Variants in SFT2D2 observed in about 807,000 individuals in gnomAD.
The protein encoded by SFT2D2 is vesicle transport protein SFT2B.
A neutral mutation model predicts 27.4 loss-of-function variants in SFT2D2; 21 were observed. The observed-to-expected ratio is 0.77, with a 90% confidence interval of 0.54 to 1.10. SFT2D2 has a LOEUF of 1.10. Among genes scored for constraint, SFT2D2 ranks in the 50% least tolerant of loss-of-function variants. The probability of loss-of-function intolerance (pLI) is 0.00; values close to 1 mark genes in which losing one functional copy is unlikely to be tolerated. For missense variants in SFT2D2, 187 were observed against 194.2 expected (o/e 0.96, Z 0.22); for synonymous variants, 72 against 71.7 (o/e 1.00, Z -0.02).
At position 168,238,482 on chromosome 1, in the gene SFT2D2, C is replaced by T. The variant is rs148551292; in HGVS notation, c.414-649C>T. Among the ~76,000 whole-genome samples the T allele has an allele frequency of 9.8e-4, 148 of 151,278 alleles. 1 individual carries two copies. In the East Asian group the frequency reaches 0.017, roughly 17 times the overall value. On this transcript the variant is annotated intron_variant, in intron 6 of 7. Coordinates refer to ENST00000271375, the MANE Select transcript of SFT2D2 (RefSeq NM_199344.3). ...ACTAGCCTGGACAGTGTAGCAAGAC[C>T]GGGTCTCTGCAAAAAAACAAACAAA...
Position 168,249,930 on chromosome 1 carries a change from A to G in SFT2D2, c.*7390A>G, listed in dbSNP as rs1200977341. The G allele has an allele frequency of 1.3e-5, 2 of 152,170 alleles. No homozygotes were observed. The highest frequency in any genetic ancestry group is 4.8e-5 in the African/African-American group (2 of 41,424). 9.4% of individuals were successfully genotyped at this position (152,170 alleles called of 1,614,324 possible). A position where few individuals can be genotyped will look rare whatever the true frequency, so the allele number is the denominator to read the frequency against. ...TCATTAATTTATTTAACAAATACTT[A>G]TCTAGTACTATGTGCCCGGCGCTGT... On this transcript the variant is annotated 3_prime_UTR_variant, in exon 8 of 8. Coordinates refer to ENST00000271375, the MANE Select transcript of SFT2D2 (RefSeq NM_199344.3).
In SFT2D2 at chr1:168,250,137, C is replaced by T. The variant is rs1647917886; in HGVS notation, c.*7597C>T. The T allele has an allele frequency of 6.6e-6, 1 of 152,202 alleles. No individual in the cohort carries two copies. The highest frequency in any genetic ancestry group is 2.4e-5 in the African/African-American group (1 of 41,458). The allele number at this position is 152,202 out of a possible 1,614,324, so 9.4% of individuals were successfully genotyped here. On this transcript the variant is annotated 3_prime_UTR_variant, in exon 8 of 8. Transcript: ENST00000271375. Reference sequence around the variant, plus strand: ...CTTCTGCTTTGCTTTCACTCACGGCCTGTGGCCAGTTTGCTCAGACAGCTC... The same window carrying T: ...CTTCTGCTTTGCTTTCACTCACGGCTTGTGGCCAGTTTGCTCAGACAGCTC...
At position 168,239,171 on chromosome 1, in the gene SFT2D2, G is replaced by A. The variant is rs1647582729; in HGVS notation, c.443+11G>A. On this transcript the variant is annotated intron_variant, in intron 7 of 7. Coordinates refer to ENST00000271375, the MANE Select transcript of SFT2D2 (RefSeq NM_199344.3). ...CATACCATTTGCAAGGTAAGACTGTGTATTTGGAAATAATGATTTCTGTCA... is the reference window on the plus strand; with the variant it reads ...CATACCATTTGCAAGGTAAGACTGTATATTTGGAAATAATGATTTCTGTCA... 1 of 1,593,300 alleles carries A rather than the reference G, an allele frequency of 6.3e-7. No homozygotes were observed. Among genetic ancestry groups the A allele is most frequent in the South Asian group, 1.1e-5 (1 of 90,508 alleles).
chr1:168,226,024 T>C lies in SFT2D2; in HGVS notation c.-56T>C. On this transcript the variant is annotated 5_prime_UTR_variant, in exon 1 of 8. Coordinates refer to ENST00000271375, the MANE Select transcript of SFT2D2 (RefSeq NM_199344.3). ...CTAGCACCCGGAAGAGCCGTCAACT[T>C]AGCGAGCGCAACAGGCTGCCGCTGA... 6.9e-7 allele frequency: 1 copy of C among 1,449,622 alleles called. No homozygotes were observed. The highest frequency in any genetic ancestry group is 9.2e-7 in the Non-Finnish European group (1 of 1,090,848). 89.8% of individuals were successfully genotyped at this position (1,449,622 alleles called of 1,614,324 possible). A position where few individuals can be genotyped will look rare whatever the true frequency, so the allele number is the denominator to read the frequency against.
In SFT2D2 at chr1:168,246,535, C is replaced by T. The variant is rs1399548323; in HGVS notation, c.*3995C>T. Reference sequence around the variant, plus strand: ...CTCAGTTTTGAGGCACCTGGACTTACTCTCAGCTTTAGAAAGTTGCTGAGA... The same window carrying T: ...CTCAGTTTTGAGGCACCTGGACTTATTCTCAGCTTTAGAAAGTTGCTGAGA... On this transcript the variant is annotated 3_prime_UTR_variant, in exon 8 of 8. Coordinates refer to ENST00000271375, the MANE Select transcript of SFT2D2 (RefSeq NM_199344.3). 8.0e-6 allele frequency: 12 copies of T among 1,501,878 alleles called. No homozygotes were observed. Among genetic ancestry groups the T allele is most frequent in the African/African-American group, 2.8e-5 (2 of 72,626 alleles). 93.0% of individuals were successfully genotyped at this position (1,501,878 alleles called of 1,614,324 possible).
chr1:168,230,878 A>G, intron 1 of SFT2D2, among the ~76,000 whole-genome samples: 1 of 150,764 alleles, frequency 6.6e-6, no homozygotes, highest in East Asian at 1.9e-4. Flanking sequence ...ACTTTGCTCC[A>G]GGGAGGGATT....
At chr1:168,240,003 G>A (rs1051474032) in intron 7 of SFT2D2, among the ~76,000 whole-genome samples, 2 of 151,758 alleles carry the variant, frequency 1.3e-5, no homozygotes, top group South Asian at 2.1e-4. Flanking sequence ...GTGAAACCCC[G>A]TCTCTACTGA....
At chr1:168,234,135 C>T (rs1440357919) in intron 3 of SFT2D2, among the ~76,000 whole-genome samples, 6 of 152,112 alleles carry the variant, frequency 3.9e-5, no homozygotes, top group Non-Finnish European at 5.9e-5. Flanking sequence ...CAGTGGCTCA[C>T]GCCTATAATT....
In SFT2D2 at chr1:168,243,634, A is replaced by G. The variant is rs1298118496; in HGVS notation, c.*1094A>G. ...GTGTCCACGATCTTACCTGGTTCTTATGGAGAGCCTTGTGAGGAAGCAGGG... is the reference window on the plus strand; with the variant it reads ...GTGTCCACGATCTTACCTGGTTCTTGTGGAGAGCCTTGTGAGGAAGCAGGG... On this transcript the variant is annotated 3_prime_UTR_variant, in exon 8 of 8. Transcript: ENST00000271375. 6.6e-6 allele frequency: 1 copy of G among 152,326 alleles called. No homozygotes were observed. The highest frequency in any genetic ancestry group is 2.4e-5 in the African/African-American group (1 of 41,438). The allele number at this position is 152,326 out of a possible 1,614,324, so 9.4% of individuals were successfully genotyped here.
Position 168,251,380 on chromosome 1 carries a change from T to C in SFT2D2, c.*8840T>C, listed in dbSNP as rs1440738287. On this transcript the variant is annotated 3_prime_UTR_variant, in exon 8 of 8. Coordinates refer to ENST00000271375, the MANE Select transcript of SFT2D2 (RefSeq NM_199344.3). Reference sequence around the variant, plus strand: ...TTAAAATAGATAATAAGGAACCATATCTTAAAGTGTGGAGGATCTGGCTTG... The same window carrying C: ...TTAAAATAGATAATAAGGAACCATACCTTAAAGTGTGGAGGATCTGGCTTG... 2 of 152,102 alleles carry C rather than the reference T, an allele frequency of 1.3e-5. No homozygotes were observed. The highest frequency in any genetic ancestry group is 6.5e-5 in the Admixed American group (1 of 15,270). The allele number at this position is 152,102 out of a possible 1,614,324, so 9.4% of individuals were successfully genotyped here. A position where few individuals can be genotyped will look rare whatever the true frequency, so the allele number is the denominator to read the frequency against.
chr1:168,227,075 C>T (rs1262842692), intron 1 of SFT2D2, among the ~76,000 whole-genome samples: 1 of 152,172 alleles, frequency 6.6e-6, no homozygotes, highest in Non-Finnish European at 1.5e-5. Flanking sequence ...CCACCTCTGC[C>T]TCCCAAAGTG....
Position 168,242,628 on chromosome 1 carries a change from A to G in SFT2D2, c.*88A>G. On this transcript the variant is annotated 3_prime_UTR_variant, in exon 8 of 8. Coordinates refer to ENST00000271375, the MANE Select transcript of SFT2D2 (RefSeq NM_199344.3). ...TAACTATCTTCGAAACCTCTGTCTT[A>G]CAGACATGTGCCTTTTATCTTGCAG... is the stretch of plus-strand genomic sequence containing the variant. 1 of 1,471,038 alleles carries G rather than the reference A, an allele frequency of 6.8e-7. No homozygotes were observed. Among genetic ancestry groups the G allele is most frequent in the Non-Finnish European group, 9.5e-7 (1 of 1,049,946 alleles). 91.1% of individuals were successfully genotyped at this position (1,471,038 alleles called of 1,614,324 possible).
At chr1:168,230,332 A>G (rs142613048) in intron 1 of SFT2D2, among the ~76,000 whole-genome samples, 24 of 152,296 alleles carry the variant, frequency 1.6e-4, no homozygotes, top group African/African-American at 5.5e-4. Flanking sequence ...TGGCCATACA[A>G]GGTGAGCCCT....
chr1:168,233,027 C>T (rs868126433), intron 3 of SFT2D2, among the ~76,000 whole-genome samples: 13 of 152,206 alleles, frequency 8.5e-5, no homozygotes, highest in Admixed American at 4.6e-4. Context: ...GCTTAGCCCC[C>T]TCAAGTGGCC....
intron 7 of SFT2D2, 27 bp from the exon 8 acceptor site, chr1:168,242,474 C>T (rs370707453): frequency 6.2e-6 from 10 of 1,613,912 alleles, no homozygotes; most frequent in Non-Finnish European, 8.5e-6. Flanking sequence ...TGACGTTCCA[C>T]TCATCTTTGT....
chr1:168,234,610 A>G (rs1232477896), intron 3 of SFT2D2, among the ~76,000 whole-genome samples: 1 of 152,204 alleles, frequency 6.6e-6, no homozygotes, highest in East Asian at 1.9e-4. Flanking sequence ...CCATGATGAT[A>G]TCATCATCAT....
intron 2 of SFT2D2, 37 bp from the exon 3 acceptor site, chr1:168,231,797 G>C (rs376353427): frequency 3.7e-6 from 6 of 1,601,516 alleles, no homozygotes; most frequent in East Asian, 2.2e-5. Flanking sequence ...CGGGTGGGAG[G>C]GTTGCTCATG....
Position 168,246,812 on chromosome 1 carries a change from C to T in SFT2D2, c.*4272C>T, listed in dbSNP as rs566984436. 1.9e-5 allele frequency: 13 copies of T among 674,548 alleles called. No homozygotes were observed. Among genetic ancestry groups the T allele is most frequent in the Admixed American group, 1.1e-4 (5 of 45,604 alleles). The allele number at this position is 674,548 out of a possible 1,614,324, so 41.8% of individuals were successfully genotyped here. On this transcript the variant is annotated 3_prime_UTR_variant, in exon 8 of 8. Transcript: ENST00000271375. ...TAAGCTGTCCACTATAATGGGCTATCGTTTTTGTTGATTTTTCCCCATTCT... is the reference window on the plus strand; with the variant it reads ...TAAGCTGTCCACTATAATGGGCTATTGTTTTTGTTGATTTTTCCCCATTCT...
In SFT2D2 at chr1:168,246,613, A is replaced by G; in HGVS notation, c.*4073A>G. On this transcript the variant is annotated 3_prime_UTR_variant, in exon 8 of 8. Transcript: ENST00000271375. Reference sequence around the variant, plus strand: ...TTCCTGTAAATGACGCAATTTATCTACTGTGCCCTGGAAATCAAGCTCTTG... The same window carrying G: ...TTCCTGTAAATGACGCAATTTATCTGCTGTGCCCTGGAAATCAAGCTCTTG... 9.5e-6 allele frequency: 14 copies of G among 1,468,636 alleles called. No homozygotes were observed. Among genetic ancestry groups the G allele is most frequent in the South Asian group, 2.3e-5 (2 of 88,740 alleles). The allele number at this position is 1,468,636 out of a possible 1,614,324, so 91.0% of individuals were successfully genotyped here.
Sources: allele counts gnomAD v4.1 joint callset (sites outside exome capture counted in the v4.1 genomes callset), GRCh38; gene constraint gnomAD v4.1.1; transcripts MANE v1.5; gene names NCBI Gene and HGNC (gene_info 2026-07-23, HGNC 2026-07-21).